TMEM131L: variants seen among roughly 807,000 people sequenced by gnomAD.
The protein encoded by TMEM131L is transmembrane 131 like.
TMEM131L carries 54 observed loss-of-function variants against 192.2 expected under a neutral mutation model. That is an observed-to-expected ratio of 0.28 (90% CI 0.23 to 0.35). The LOEUF (loss-of-function observed/expected upper bound fraction) is 0.35. TMEM131L is among the 10% of genes least tolerant of loss of function. The pLI is 1.00. For synonymous variants in TMEM131L, 701 were observed against 704.9 expected (o/e 0.99, Z 0.09); for missense variants, 1,888 against 1,972.9 (o/e 0.96, Z 0.82).
chr4:153,600,107 A>G (rs573844192), intron 21 of TMEM131L, among the ~76,000 whole-genome samples: 88 of 152,212 alleles, frequency 5.8e-4, no homozygotes, highest in African/African-American at 2.1e-3. Context: ...GCTCACGCCT[A>G]TAATCCCAGC....
chr4:153,503,639 G>C (rs568987404), intron 3 of TMEM131L, among the ~76,000 whole-genome samples: 5 of 152,244 alleles, frequency 3.3e-5, no homozygotes, highest in African/African-American at 1.2e-4. Flanking sequence ...TCATGATGTG[G>C]GTCCTACAAC....
chr4:153,590,997 T>A (rs1399324448), intron 16 of TMEM131L, 56 bp from the exon 17 acceptor site: 11 of 1,213,572 alleles, frequency 9.1e-6, no homozygotes, highest in African/African-American at 1.6e-5. Flanking sequence ...TTATTAAATA[T>A]TAAATTTTTA....
At chr4:153,468,448 C>T (rs1392115419) in intron 2 of TMEM131L, among the ~76,000 whole-genome samples, 1 of 128,114 alleles carries the variant, frequency 7.8e-6, no homozygotes, top group African/African-American at 3.9e-5. Context: ...ATTTTTTCCC[C>T]GATTTTAAAT....
intron 3 of TMEM131L, among the ~76,000 whole-genome samples, chr4:153,531,879 T>C (rs1157235776): frequency 6.6e-6 from 1 of 152,200 alleles, no homozygotes; most frequent in African/African-American, 2.4e-5. Context: ...CTTCTCTTAT[T>C]CTATTTCCCC....
At chr4:153,474,610 C>T (rs1406135218) in intron 3 of TMEM131L, among the ~76,000 whole-genome samples, 1 of 152,194 alleles carries the variant, frequency 6.6e-6, no homozygotes, top group Admixed American at 6.5e-5. Flanking sequence ...GACTGGAATA[C>T]AGTGGTATGA....
chr4:153,589,892 C>T (rs932892718), intron 16 of TMEM131L, among the ~76,000 whole-genome samples: 9 of 152,222 alleles, frequency 5.9e-5, no homozygotes, highest in African/African-American at 2.2e-4. Flanking sequence ...GACTTTTGGC[C>T]GAGTCATCAA....
At chr4:153,635,644 G>A in intron 34 of TMEM131L, 73 bp downstream of exon 34, 1 of 1,557,570 alleles carries the variant, frequency 6.4e-7, no homozygotes, top group Non-Finnish European at 8.8e-7. Context: ...CTTAATCCTG[G>A]TCTCAGCTAG....
intron 3 of TMEM131L, among the ~76,000 whole-genome samples, chr4:153,505,203 T>C (rs7655022): frequency 0.019 from 2,875 of 151,268 alleles, 97 homozygotes; most frequent in African/African-American, 0.063. Context: ...GCCTTCCGGG[T>C]TCAAGTGATT....
intron 3 of TMEM131L, among the ~76,000 whole-genome samples, chr4:153,499,989 C>T (rs1308154747): frequency 6.6e-6 from 1 of 152,054 alleles, no homozygotes; most frequent in African/African-American, 2.4e-5. Context: ...AATTATTCCT[C>T]ATGTTTTTCA....
rs1266287059 is a variant in TMEM131L at position 153,622,907 on chromosome 4, A to G, written c.3869A>G (p.Tyr1290Cys). The G allele has an allele frequency of 1.9e-6, 3 of 1,614,148 alleles. No homozygotes were observed. Among genetic ancestry groups the G allele is most frequent in the Non-Finnish European group, 2.5e-6 (3 of 1,180,020 alleles). Residue 1290 changes from tyrosine (Y) to cysteine (C), a missense_variant, in exon 29 of 35, where the codon TAC becomes TGC. Tyr to Cys is a radical substitution (Grantham distance 194). Coordinates refer to ENST00000409959, the MANE Select transcript of TMEM131L (RefSeq NM_001131007.2). ...PAAQREAEGY[Y>C]QKPEKKCVDK... Reference sequence around the variant, plus strand: ...CTTTCACTTCCTCCAGAAGGTTACTACCAGAAGCCTGAGAAGAAATGTGTG... The same window carrying G: ...CTTTCACTTCCTCCAGAAGGTTACTGCCAGAAGCCTGAGAAGAAATGTGTG...
At chr4:153,574,413 T>C (rs763598504) in intron 7 of TMEM131L, among the ~76,000 whole-genome samples, 3 of 152,184 alleles carry the variant, frequency 2.0e-5, no homozygotes, top group Non-Finnish European at 2.9e-5. Context: ...CCTGCTGTTA[T>C]GCAGGAAACA....
At chr4:153,634,089 A>G in intron 32 of TMEM131L, 103 bp from the exon 33 acceptor site, 1 of 947,108 alleles carries the variant, frequency 1.1e-6, no homozygotes. Flanking sequence ...AAATTGGGGA[A>G]TTCACAGTGA....
chr4:153,475,186 C>G (rs561924576), intron 3 of TMEM131L, among the ~76,000 whole-genome samples: 4 of 152,336 alleles, frequency 2.6e-5, no homozygotes, highest in African/African-American at 9.6e-5. Context: ...AAGTGATCCA[C>G]TCTGATTGGA....
intron 3 of TMEM131L, among the ~76,000 whole-genome samples, chr4:153,492,317 T>A (rs986578082): frequency 4.8e-4 from 73 of 152,332 alleles, no homozygotes; most frequent in African/African-American, 1.7e-3. Flanking sequence ...CATAGCCCAA[T>A]TTTTTCTTTT....
chr4:153,634,399 A>G (rs1302041984), intron 33 of TMEM131L, 119 bp downstream of exon 33: 9 of 782,038 alleles, frequency 1.2e-5, no homozygotes, highest in Admixed American at 6.3e-5. Flanking sequence ...ATGAGCTTGC[A>G]GTAGACTGCC....
chr4:153,607,308 T>C (rs563017436), intron 25 of TMEM131L, among the ~76,000 whole-genome samples: 46 of 152,362 alleles, frequency 3.0e-4, no homozygotes, highest in Non-Finnish European at 4.7e-4. Flanking sequence ...TACTTCCAGC[T>C]TTGAGCATTA....
At chr4:153,492,796 G>T (rs1021843835) in intron 3 of TMEM131L, among the ~76,000 whole-genome samples, 1 of 152,080 alleles carries the variant, frequency 6.6e-6, no homozygotes, top group African/African-American at 2.4e-5. Context: ...TTCTGGCTTT[G>T]TATAATTTGG....
Position 153,603,328 on chromosome 4 carries a change from A to C in TMEM131L, c.2665A>C (p.Ile889Leu). Residue 889 changes from isoleucine (I) to leucine (L), a missense_variant, in exon 24 of 35, where the codon ATA (isoleucine) becomes CTA (leucine). Coordinates refer to ENST00000409959, the MANE Select transcript of TMEM131L (RefSeq NM_001131007.2). Reference sequence around the variant, plus strand: ...TTTGTCCCTGTTGGGTGTGATTTTAATAGCCTTCCAACAAGCACAGTACAT... The same window carrying C: ...TTTGTCCCTGTTGGGTGTGATTTTACTAGCCTTCCAACAAGCACAGTACAT... ...VSLSLLGVILIAFQQAQYILM... is the reference protein window; with the variant it reads ...VSLSLLGVILLAFQQAQYILM... 6.2e-7 allele frequency: 1 copy of C among 1,613,874 alleles called. No individual in the cohort carries two copies.
chr4:153,603,181 A>G (rs1731967216), intron 23 of TMEM131L, 122 bp from the exon 24 acceptor site: 3 of 815,424 alleles, frequency 3.7e-6, no homozygotes, highest in African/African-American at 1.8e-5. Flanking sequence ...ATCTTAGGGA[A>G]TTTTAATACT....
Sources: allele counts gnomAD v4.1 joint callset (sites outside exome capture counted in the v4.1 genomes callset), GRCh38; gene constraint gnomAD v4.1.1; transcripts MANE v1.5; gene names NCBI Gene and HGNC (gene_info 2026-07-23, HGNC 2026-07-21).